The following TMTC1 variants were observed in gnomAD, a reference collection of about 807,000 sequenced individuals.
TMTC1 encodes protein O-mannosyl-transferase TMTC1.
In TMTC1, 73 loss-of-function variants were observed where a neutral mutation model predicts 104.8. That is an observed-to-expected ratio of 0.70 (90% confidence interval 0.58 to 0.85). The LOEUF (loss-of-function observed/expected upper bound fraction) is 0.85, where lower values mean the gene tolerates loss of function less well. Among genes scored for constraint, TMTC1 ranks in the 40% least tolerant of loss-of-function variants. The probability of loss-of-function intolerance (pLI) is 0.00; values close to 1 mark genes in which losing one functional copy is unlikely to be tolerated. For synonymous variants in TMTC1, 434 were observed against 428.7 expected (o/e 1.01, Z -0.15); for missense variants, 1,035 against 1,096.1 (o/e 0.94, Z 0.79).
At chr12:29,526,061 A>G (rs143472103) in intron 11 of TMTC1, among the ~76,000 whole-genome samples, 311 of 152,308 alleles carry the variant, frequency 2.0e-3, no homozygotes, top group African/African-American at 7.0e-3. Context: ...AAATGTTTAA[A>G]TGGCCCATCA....
chr12:29,674,645 CAGG>C lies in TMTC1; in HGVS notation c.939-41312_939-41310del, dbSNP rs1354543604. On this transcript the variant is annotated intron_variant, in intron 5 of 17. Coordinates refer to ENST00000539277, the MANE Select transcript of TMTC1 (RefSeq NM_001193451.2). ...TTGTCCATGCACAAGGCAGCCAGCTCAGGAGGAGGGAGGGAGGTGGCCTGTGAG... is the reference window on the plus strand; with the variant it reads ...TTGTCCATGCACAAGGCAGCCAGCTCAGGAGGGAGGGAGGTGGCCTGTGAG... Among the ~76,000 whole-genome samples the C allele has an allele frequency of 6.6e-5, 10 of 152,326 alleles. No individual in the cohort carries two copies. The East Asian group carries it at 1.9e-3, about 29-fold the overall frequency.
chr12:29,674,534 C>T (rs75701563), intron 5 of TMTC1, among the ~76,000 whole-genome samples: 12,038 of 152,202 alleles, frequency 0.079, 680 homozygotes, highest in South Asian at 0.17. Context: ...AAAAAAAGAA[C>T]GAAATATTTT....
chr12:29,605,921 A>G (rs771047767), intron 6 of TMTC1, among the ~76,000 whole-genome samples: 1 of 151,994 alleles, frequency 6.6e-6, no homozygotes, highest in African/African-American at 2.4e-5. Context: ...GTCTGTGTGT[A>G]CCCAAGGTTT....
chr12:29,519,209 A>T (rs1250603653), intron 12 of TMTC1: 5 of 151,906 alleles, frequency 3.3e-5, no homozygotes, highest in African/African-American at 1.2e-4. Flanking sequence ...TATATTTTTA[A>T]ATACTTACAT....
At chr12:29,674,670 T>G (rs1290461756) in intron 5 of TMTC1, among the ~76,000 whole-genome samples, 1 of 152,178 alleles carries the variant, frequency 6.6e-6, no homozygotes, top group Non-Finnish European at 1.5e-5. Context: ...AGGTGGCCTG[T>G]GAGGGCTCAA....
At chr12:29,551,479 A>T (rs1287654639) in intron 10 of TMTC1, among the ~76,000 whole-genome samples, 1 of 152,232 alleles carries the variant, frequency 6.6e-6, no homozygotes, top group African/African-American at 2.4e-5. Context: ...ATTATTGGAC[A>T]TTCCATTACA....
intron 9 of TMTC1, among the ~76,000 whole-genome samples, chr12:29,558,776 C>T (rs1435270180): frequency 6.6e-6 from 1 of 152,184 alleles, no homozygotes; most frequent in Non-Finnish European, 1.5e-5. Flanking sequence ...CCCATTACAT[C>T]CAACTTCAGT....
chr12:29,571,174 C>G (rs1279236456), intron 9 of TMTC1, among the ~76,000 whole-genome samples: 1 of 152,088 alleles, frequency 6.6e-6, no homozygotes, highest in Admixed American at 6.5e-5. Context: ...GCATAAAAAC[C>G]TCTTCAAAGG....
At position 29,518,563 on chromosome 12, in the gene TMTC1, G is replaced by A. The variant is rs764763750; in HGVS notation, c.1933C>T (p.Leu645Phe). Residue 645 changes from leucine to phenylalanine, a missense_variant, in exon 13 of 18, where the codon CTT (leucine) becomes TTT (phenylalanine). By Grantham distance (22) the Leu-to-Phe change is conservative. Transcript: ENST00000539277. ...ATGGCCACGTGATGACTGGGGCTAA[G>A]TTTGATGGCCTGCTGGTAATGGGCC... is the stretch of plus-strand genomic sequence containing the variant. ...AVAHYQQAIKLSPSHHVAMVN... is the reference protein window; with the variant it reads ...AVAHYQQAIKFSPSHHVAMVN... 1.2e-6 allele frequency: 2 copies of A among 1,614,170 alleles called. No homozygotes were observed. The highest frequency in any genetic ancestry group is 1.7e-5 in the Admixed American group (1 of 60,028).
intron 6 of TMTC1, among the ~76,000 whole-genome samples, chr12:29,607,540 A>C (rs1221272606): frequency 6.6e-6 from 1 of 152,192 alleles, no homozygotes; most frequent in Non-Finnish European, 1.5e-5. Flanking sequence ...GAAGATATGG[A>C]ATGTACAAAG....
chr12:29,648,356 A>C (rs573088918), intron 5 of TMTC1, among the ~76,000 whole-genome samples: 1 of 152,364 alleles, frequency 6.6e-6, no homozygotes, highest in Non-Finnish European at 1.5e-5. Flanking sequence ...GGAATTTACA[A>C]GAAGTATCAT....
chr12:29,575,010 C>T (rs1354777225), intron 8 of TMTC1, among the ~76,000 whole-genome samples: 4 of 152,038 alleles, frequency 2.6e-5, no homozygotes. Context: ...TGGGGTGATA[C>T]CAACAATTTG....
At chr12:29,743,574 T>C (rs1258428265) in intron 5 of TMTC1, among the ~76,000 whole-genome samples, 1 of 152,166 alleles carries the variant, frequency 6.6e-6, no homozygotes, top group Admixed American at 6.5e-5. Flanking sequence ...ATATTGAGTC[T>C]ACAATACATA....
chr12:29,565,985 C>T (rs972553678), intron 9 of TMTC1, among the ~76,000 whole-genome samples: 5 of 152,172 alleles, frequency 3.3e-5, no homozygotes, highest in Admixed American at 1.3e-4. Context: ...TGCTTTCATG[C>T]AGTTTACTGG....
intron 5 of TMTC1, among the ~76,000 whole-genome samples, chr12:29,661,137 T>C (rs1940003258): frequency 6.6e-6 from 1 of 152,106 alleles, no homozygotes; most frequent in Non-Finnish European, 1.5e-5. Flanking sequence ...ACAATAATAG[T>C]ATCTACCTCA....
At chr12:29,664,260 T>G (rs925137454) in intron 5 of TMTC1, among the ~76,000 whole-genome samples, 1 of 150,922 alleles carries the variant, frequency 6.6e-6, no homozygotes, top group African/African-American at 2.4e-5. Flanking sequence ...AGCATCCCAA[T>G]GTAATGAAAG....
intron 7 of TMTC1, among the ~76,000 whole-genome samples, chr12:29,600,023 T>TC (rs1946522626): frequency 7.0e-5 from 10 of 143,774 alleles, no homozygotes; most frequent in Non-Finnish European, 1.1e-4. Flanking sequence ...TTTTTTTTTT[T>TC]CCCTCAAAAG....
intron 9 of TMTC1, among the ~76,000 whole-genome samples, chr12:29,562,140 T>G (rs983241019): frequency 2.0e-5 from 3 of 152,240 alleles, no homozygotes; most frequent in African/African-American, 7.2e-5. Flanking sequence ...ACTGATCATT[T>G]TATTAGTCTG....
intron 9 of TMTC1, among the ~76,000 whole-genome samples, chr12:29,560,693 C>T (rs138927631): frequency 8.1e-4 from 124 of 152,222 alleles, no homozygotes; most frequent in African/African-American, 2.1e-3. Context: ...GTATTGGGTA[C>T]TTTAGTTACT....
Sources: allele counts gnomAD v4.1 joint callset (sites outside exome capture counted in the v4.1 genomes callset), GRCh38; gene constraint gnomAD v4.1.1; transcripts MANE v1.5; gene names NCBI Gene and HGNC (gene_info 2026-07-23, HGNC 2026-07-21).